ZSWIM5: variants seen among roughly 807,000 people sequenced by gnomAD.
The protein encoded by ZSWIM5 is zinc finger SWIM domain-containing protein 5.
ZSWIM5 carries 55 observed loss-of-function variants against 119.6 expected under a neutral mutation model. That is an observed-to-expected ratio of 0.46 (90% CI 0.37 to 0.58). The LOEUF (loss-of-function observed/expected upper bound fraction) is 0.58, where lower values mean the gene tolerates loss of function less well. Among genes scored for constraint, ZSWIM5 ranks in the 20% least tolerant of loss-of-function variants. The pLI is 0.00. For missense variants in ZSWIM5, 1,193 were observed against 1,512.8 expected (o/e 0.79, Z 3.51); for synonymous variants, 537 against 606.9 (o/e 0.88, Z 1.69).
chr1:45,021,817 C>T lies in ZSWIM5; in HGVS notation c.2450-1029G>A, dbSNP rs571435938. On this transcript the variant is annotated intron_variant, in intron 11 of 13. Transcript: ENST00000359600. ...GGTGAATCACTTGAGGTCAGGAGTT[C>T]GAGACCAGCCTGGCCAACATGGTGA... Among the ~76,000 whole-genome samples, 7 of 152,030 alleles carry T rather than the reference C, an allele frequency of 4.6e-5. No individual in the cohort carries two copies. In the East Asian group the frequency reaches 7.8e-4, roughly 17 times the overall value.
chr1:45,044,782 TATATATAA>T (rs1172746358), intron 5 of ZSWIM5, among the ~76,000 whole-genome samples: 3,520 of 6,648 alleles, frequency 0.53, 1,384 homozygotes, highest in Admixed American at 0.67. Flanking sequence ...TATAAATATA[TATATATAA>T]ATATATATAT....
chr1:45,070,430 G>A, intron 2 of ZSWIM5: 1 of 1,353,798 alleles, frequency 7.4e-7, no homozygotes, highest in East Asian at 2.3e-5. Context: ...AAGTCTCCAT[G>A]TTGGTGGCAG....
intron 1 of ZSWIM5, among the ~76,000 whole-genome samples, chr1:45,190,927 A>ATTTTTTTTTTTTTTTTTTTTTT (rs746764436): frequency 2.0e-5 from 1 of 48,966 alleles, no homozygotes; most frequent in African/African-American, 9.4e-5. Context: ...AATAGCTGGA[A>ATTTTTTTTTTTTTTTTTTTTTT]TTTTTTTTTT....
At position 45,101,144 on chromosome 1, in the gene ZSWIM5, A is replaced by C. The variant is rs1645437465; in HGVS notation, c.596-12907T>G. 7.9e-5 allele frequency among the ~76,000 whole-genome samples: 12 copies of C among 152,008 alleles called. No homozygotes were observed. The South Asian group carries it at 2.3e-3, about 29-fold the overall frequency. ...GGGAGAAAATTTTTGCAATCTACTCATCTGACAAAGGGCTAATATCTGGAA... is the reference window on the plus strand; with the variant it reads ...GGGAGAAAATTTTTGCAATCTACTCCTCTGACAAAGGGCTAATATCTGGAA... On this transcript the variant is annotated intron_variant, in intron 1 of 13. Coordinates refer to ENST00000359600, the MANE Select transcript of ZSWIM5 (RefSeq NM_020883.2).
intron 2 of ZSWIM5, among the ~76,000 whole-genome samples, chr1:45,063,689 C>G (rs537515398): frequency 6.6e-6 from 1 of 152,170 alleles, no homozygotes; most frequent in South Asian, 2.1e-4. Flanking sequence ...GAGTCAGGGC[C>G]GCAATGAGAA....
In ZSWIM5 at chr1:45,206,125, T is replaced by C. The variant is rs1210551374; in HGVS notation, c.226A>G (p.Lys76Glu). The change falls in exon 1 of 14, where the codon AAG becomes GAG. Residue 76 changes from lysine (K) to glutamate (E), a missense_variant. Lys to Glu is a moderately conservative substitution (Grantham distance 56, BLOSUM62 1). Coordinates refer to ENST00000359600, the MANE Select transcript of ZSWIM5 (RefSeq NM_020883.2). ...TCCTCCACCCGTTCGTATGCCCACT[T>C]TTCCGCCACCGTCTTGGCGGCGCAG... Reference protein sequence around the residue: ...LDCAAKTVAEKWAYERVEERF... With the variant: ...LDCAAKTVAEEWAYERVEERF... 6.8e-6 allele frequency: 11 copies of C among 1,611,260 alleles called. No homozygotes were observed. Among genetic ancestry groups the C allele is most frequent in the Non-Finnish European group, 9.3e-6 (11 of 1,179,294 alleles).
Position 45,018,577 on chromosome 1 carries a change from A to G in ZSWIM5, c.3435T>C (p.Ala1145=), listed in dbSNP as rs373476394. 1 of 1,614,084 alleles carries G rather than the reference A, an allele frequency of 6.2e-7. No homozygotes were observed. The highest frequency in any genetic ancestry group is 8.5e-7 in the Non-Finnish European group (1 of 1,180,048). The change falls in exon 14 of 14, where the codon GCT becomes GCC. Residue 1145 remains alanine, a synonymous_variant. Transcript: ENST00000359600. The surrounding 1 kb of genome is among the most constrained non-coding windows in gnomAD (Gnocchi z 6.7). The part of the protein sequence containing the change: ...YGEFIEFLSK[A]RETFLLPQDG... ...CCTGGGGCAGCAGGAAGGTCTCCCGAGCCTTGCTTAGAAACTCAATGAACT... is the reference window on the plus strand; with the variant it reads ...CCTGGGGCAGCAGGAAGGTCTCCCGGGCCTTGCTTAGAAACTCAATGAACT...
intron 1 of ZSWIM5, among the ~76,000 whole-genome samples, chr1:45,103,441 C>A (rs1202753105): frequency 6.6e-6 from 1 of 152,176 alleles, no homozygotes; most frequent in East Asian, 1.9e-4. Context: ...GATCACACAA[C>A]CTGTAAAATG....
chr1:45,164,377 TA>T (rs1457795697), intron 1 of ZSWIM5, among the ~76,000 whole-genome samples: 1 of 151,984 alleles, frequency 6.6e-6, no homozygotes, highest in African/African-American at 2.4e-5. Context: ...TGACAAATTG[TA>T]AAAACCATTG....
chr1:45,170,806 A>ACTGCAACTTTG, intron 1 of ZSWIM5, among the ~76,000 whole-genome samples: 1 of 141,696 alleles, frequency 7.1e-6, no homozygotes, highest in East Asian at 2.2e-4. Flanking sequence ...GGCTAGTCTC[A>ACTGCAACTTTG]AACTCTTGGC....
At chr1:45,062,285 C>T (rs765600919) in intron 2 of ZSWIM5, among the ~76,000 whole-genome samples, 1 of 152,142 alleles carries the variant, frequency 6.6e-6, no homozygotes, top group African/African-American at 2.4e-5. Flanking sequence ...CCTTACTCCT[C>T]GTCTCCCTAT....
rs772964761 is a variant in ZSWIM5 at position 45,036,088 on chromosome 1, G to A, written c.2106C>T (p.Asp702=). 9 of 1,614,112 alleles carry A rather than the reference G, an allele frequency of 5.6e-6. No homozygotes were observed. In the East Asian group the frequency reaches 6.7e-5, roughly 12 times the overall value. Residue 702 remains aspartate, a synonymous_variant, in exon 9 of 14, where the codon GAC becomes GAT. Coordinates refer to ENST00000359600, the MANE Select transcript of ZSWIM5 (RefSeq NM_020883.2). Reference sequence around the variant, plus strand: ...TTTGCAGTGTTTGCACTAGCTCATCGTCCAGCTGCAGCTCTTGGAGTTGGC... The same window carrying A: ...TTTGCAGTGTTTGCACTAGCTCATCATCCAGCTGCAGCTCTTGGAGTTGGC... The part of the protein sequence containing the change: ...LLSQLQELQL[D]DELVQTLQKQ...
intron 2 of ZSWIM5, among the ~76,000 whole-genome samples, chr1:45,069,019 C>T (rs1234767391): frequency 6.6e-6 from 1 of 151,270 alleles, no homozygotes; most frequent in Non-Finnish European, 1.5e-5. Context: ...ACTTTGTTGC[C>T]CAGGCTGGTC....
intron 11 of ZSWIM5, among the ~76,000 whole-genome samples, chr1:45,033,999 C>T (rs575780698): frequency 3.4e-4 from 52 of 152,148 alleles, no homozygotes; most frequent in Non-Finnish European, 5.4e-4. Context: ...GGACTACAGG[C>T]GCCCGCCACC....
rs898011872 is a variant in ZSWIM5, at chr1:45,089,002, G to A, written c.596-765C>T. 7.2e-5 allele frequency among the ~76,000 whole-genome samples: 11 copies of A among 152,066 alleles called. No individual in the cohort carries two copies. In the East Asian group the frequency reaches 7.7e-4, roughly 11 times the overall value. On this transcript the variant is annotated intron_variant, in intron 1 of 13. Transcript: ENST00000359600. ...ATCTCTGGGGTCTTGCTCTGCCACC[G>A]AGGCTGGAGTGCAGTGGTGCAATCT... is the stretch of plus-strand genomic sequence containing the variant.
chr1:45,051,731 G>A (rs1174605673), intron 4 of ZSWIM5, among the ~76,000 whole-genome samples: 1 of 152,172 alleles, frequency 6.6e-6, no homozygotes, highest in African/African-American at 2.4e-5. Context: ...GGTTGGAAGC[G>A]AGGAAGTCAG....
chr1:45,048,075 C>CT lies in ZSWIM5; in HGVS notation c.1432+2998dup, dbSNP rs142365516. ...TTTCTTTCTTTCTTTCTTTCCTTTTCTTTTCTCTTTTTTTTTTTTTTTTTT... is the reference window on the plus strand; with the variant it reads ...TTTCTTTCTTTCTTTCTTTCCTTTTCTTTTTCTCTTTTTTTTTTTTTTTTTT... On this transcript the variant is annotated intron_variant, in intron 5 of 13. Coordinates refer to ENST00000359600, the MANE Select transcript of ZSWIM5 (RefSeq NM_020883.2). Among the ~76,000 whole-genome samples, 97 of 17,348 alleles carry CT rather than the reference C, an allele frequency of 5.6e-3. 34 individuals are homozygous for CT. The highest frequency in any genetic ancestry group is 7.0e-3 in the African/African-American group (25 of 3,594). 11.4% of individuals were successfully genotyped at this position (17,348 alleles called of 152,430 possible).
At chr1:45,034,543 C>G in intron 10 of ZSWIM5, 74 bp from the exon 11 acceptor site, 11 of 1,509,256 alleles carry the variant, frequency 7.3e-6, no homozygotes, top group Non-Finnish European at 9.7e-6. Context: ...GAAGCTTGCT[C>G]TTTGCTGGGG....
At chr1:45,173,910 G>A (rs182475853) in intron 1 of ZSWIM5, among the ~76,000 whole-genome samples, 1 of 152,112 alleles carries the variant, frequency 6.6e-6, no homozygotes, top group East Asian at 1.9e-4. Flanking sequence ...ATCTGAGTAG[G>A]AACCAAATAT....
Sources: gnomAD v4.1 joint callset for allele counts (sites outside exome capture counted in the v4.1 genomes callset) on GRCh38, gnomAD v4.1.1 for gene constraint, Gnocchi (gnomAD v3.1) non-coding constraint, MANE v1.5 for transcripts, NCBI Gene and HGNC (gene_info 2026-07-23, HGNC 2026-07-21) for gene names.